Variants in NAALADL2 observed in about 807,000 individuals in gnomAD.
The protein encoded by NAALADL2 is N-acetylated alpha-linked acidic dipeptidase like 2.
In NAALADL2, 76 loss-of-function variants were observed where a neutral mutation model predicts 87.2. The observed-to-expected ratio is 0.87, with a 90% confidence interval of 0.72 to 1.05. The LOEUF (loss-of-function observed/expected upper bound fraction) is 1.05. Among genes scored for constraint, NAALADL2 ranks in the 50% least tolerant of loss-of-function variants. The pLI is 0.00. For synonymous variants in NAALADL2, 354 were observed against 331.0 expected (o/e 1.07, Z -0.75); for missense variants, 1,089 against 945.8 (o/e 1.15, Z -1.99).
At chr3:175,722,626 T>C (rs1158810096) in intron 11 of NAALADL2, among the ~76,000 whole-genome samples, 3 of 152,180 alleles carry the variant, frequency 2.0e-5, no homozygotes, top group East Asian at 1.9e-4. Context: ...ATAAATTACA[T>C]TTTAAGTGAA....
At chr3:175,393,280 C>CAAAAAAAAAAAAAAA (rs775778803) in intron 5 of NAALADL2, among the ~76,000 whole-genome samples, 8 of 29,520 alleles carry the variant, frequency 2.7e-4, no homozygotes, top group Admixed American at 5.6e-4. Flanking sequence ...GACTCCGTCT[C>CAAAAAAAAAAAAAAA]AAAAAAAAAA....
chr3:175,781,918 A>G (rs541292154), intron 13 of NAALADL2, among the ~76,000 whole-genome samples: 2 of 136,218 alleles, frequency 1.5e-5, no homozygotes, highest in Non-Finnish European at 3.0e-5. Context: ...ATGTGATCTC[A>G]TTGTTCAATT....
At chr3:175,630,678 A>G (rs1424457529) in intron 11 of NAALADL2, among the ~76,000 whole-genome samples, 2 of 151,730 alleles carry the variant, frequency 1.3e-5, no homozygotes, top group African/African-American at 4.8e-5. Context: ...CCTTTAGAAT[A>G]CTTTTTTTCA....
chr3:174,467,287 A>G (rs1435630567), intron 1 of NAALADL2, among the ~76,000 whole-genome samples: 1 of 152,152 alleles, frequency 6.6e-6, no homozygotes, highest in African/African-American at 2.4e-5. Flanking sequence ...GCAACATTGT[A>G]ATAGCAAGGA....
At chr3:175,681,232 C>G (rs1254925985) in intron 11 of NAALADL2, among the ~76,000 whole-genome samples, 1 of 152,056 alleles carries the variant, frequency 6.6e-6, no homozygotes, top group Non-Finnish European at 1.5e-5. Context: ...ACAATAGAAT[C>G]AAGAAGTGGT....
At chr3:175,788,311 G>A (rs1015811555) in intron 13 of NAALADL2, among the ~76,000 whole-genome samples, 2 of 151,816 alleles carry the variant, frequency 1.3e-5, no homozygotes, top group Admixed American at 1.3e-4. Flanking sequence ...AGGCTGGTCT[G>A]GAACTCCTGA....
At chr3:175,449,805 G>C (rs1425155037) in intron 6 of NAALADL2, among the ~76,000 whole-genome samples, 1 of 152,114 alleles carries the variant, frequency 6.6e-6, no homozygotes, top group Non-Finnish European at 1.5e-5. Flanking sequence ...GAAGAGTTGA[G>C]ATATACACCC....
chr3:174,961,390 A>G (rs1488623253), intron 1 of NAALADL2, among the ~76,000 whole-genome samples: 1 of 152,058 alleles, frequency 6.6e-6, no homozygotes, highest in Admixed American at 6.6e-5. Flanking sequence ...TGCTAAAAAA[A>G]TCTTAAAAGC....
At chr3:175,689,852 A>G (rs1736810278) in intron 11 of NAALADL2, among the ~76,000 whole-genome samples, 1 of 152,128 alleles carries the variant, frequency 6.6e-6, no homozygotes, top group African/African-American at 2.4e-5. Flanking sequence ...GCTACGTTCC[A>G]AGAGTATTCT....
At position 175,013,301 on chromosome 3, in the gene NAALADL2, A is replaced by ATTTTT. The variant is rs753716843; in HGVS notation, c.44-83478_44-83474dup. Among the ~76,000 whole-genome samples, 142 of 72,060 alleles carry ATTTTT rather than the reference A, an allele frequency of 2.0e-3. 4 individuals carry two copies. The highest frequency in any genetic ancestry group is 4.9e-3 in the African/African-American group (84 of 17,144). The allele number at this position is 72,060 out of a possible 152,430, so 47.3% of individuals were successfully genotyped here. Reference sequence around the variant, plus strand: ...TACATATATATATATATATATATATATTTTTTTTTTTTTTTGAGACAGGGT... The same window carrying ATTTTT: ...TACATATATATATATATATATATATATTTTTTTTTTTTTTTTTTTTGAGACAGGGT... On this transcript the variant is annotated intron_variant, in intron 1 of 13. Transcript: ENST00000454872.
At chr3:174,762,299 A>G (rs1188519161) in intron 3 of NAALADL2, among the ~76,000 whole-genome samples, 23 of 149,498 alleles carry the variant, frequency 1.5e-4, no homozygotes, top group Middle Eastern at 3.4e-3. Context: ...GACTACAGGC[A>G]CCCGCCACCA....
rs1472353343 is a variant in NAALADL2 at position 175,783,138 on chromosome 3, G to A, written c.2190-19867G>A. Among the ~76,000 whole-genome samples, 4 of 152,078 alleles carry A rather than the reference G, an allele frequency of 2.6e-5. No individual in the cohort carries two copies. In the East Asian group the frequency reaches 5.8e-4, roughly 22 times the overall value. ...GTAGTATAGTTTGAAGTCAGGTAGTGTGATGCCTCCAGCTTTGTTCTTTTG... is the reference window on the plus strand; with the variant it reads ...GTAGTATAGTTTGAAGTCAGGTAGTATGATGCCTCCAGCTTTGTTCTTTTG... On this transcript the variant is annotated intron_variant, in intron 13 of 13. Transcript: ENST00000454872.
chr3:174,475,395 A>G (rs1717155535), intron 1 of NAALADL2, among the ~76,000 whole-genome samples: 2 of 151,982 alleles, frequency 1.3e-5, no homozygotes, highest in Admixed American at 1.3e-4. Flanking sequence ...AGATTACTCA[A>G]TGATTAAGAT....
chr3:174,963,158 A>T (rs1373124371), intron 1 of NAALADL2, among the ~76,000 whole-genome samples: 1 of 152,146 alleles, frequency 6.6e-6, no homozygotes, highest in African/African-American at 2.4e-5. Flanking sequence ...ACCAAGCTTA[A>T]CATATCTGGC....
chr3:175,156,810 C>CCT (rs1329742740), intron 2 of NAALADL2, among the ~76,000 whole-genome samples: 2 of 151,904 alleles, frequency 1.3e-5, no homozygotes, highest in Non-Finnish European at 2.9e-5. Flanking sequence ...GGAAGAGGTA[C>CCT]CTCTAGACCT....
intron 4 of NAALADL2, among the ~76,000 whole-genome samples, chr3:175,288,695 G>T (rs746968123): frequency 6.6e-6 from 1 of 152,108 alleles, no homozygotes; most frequent in Non-Finnish European, 1.5e-5. Context: ...TGACTTGTCC[G>T]TTCCATGGGA....
chr3:175,040,405 G>T (rs1753926210), intron 1 of NAALADL2, among the ~76,000 whole-genome samples: 2 of 152,166 alleles, frequency 1.3e-5, no homozygotes, highest in Non-Finnish European at 2.9e-5. Flanking sequence ...TTGTGTAAAA[G>T]AGGACTGGAC....
chr3:175,710,748 A>G (rs931211274), intron 11 of NAALADL2, among the ~76,000 whole-genome samples: 1 of 151,776 alleles, frequency 6.6e-6, no homozygotes, highest in Non-Finnish European at 1.5e-5. Context: ...ACACATATAC[A>G]TATATATGAA....
intron 5 of NAALADL2, among the ~76,000 whole-genome samples, chr3:175,392,920 G>T (rs1036910094): frequency 1.3e-5 from 2 of 152,102 alleles, no homozygotes; most frequent in Admixed American, 1.3e-4. Context: ...TCACAGAAAA[G>T]ACTACAAATC....
Sources: gnomAD v4.1 joint callset for allele counts (sites outside exome capture counted in the v4.1 genomes callset) on GRCh38, gnomAD v4.1.1 for gene constraint, MANE v1.5 for transcripts, NCBI Gene and HGNC (gene_info 2026-07-23, HGNC 2026-07-21) for gene names.